The following CNBD1 variants were observed in gnomAD, a reference collection of about 807,000 sequenced individuals.
CNBD1 encodes cyclic nucleotide-binding domain-containing protein 1.
In CNBD1, 71 loss-of-function variants were observed where a neutral mutation model predicts 54.4. The observed-to-expected ratio is 1.30, with a 90% CI of 1.08 to 1.59. CNBD1 has a LOEUF of 1.59. CNBD1 is among the 40% of genes most tolerant of loss of function. The pLI, the probability that CNBD1 is intolerant of heterozygous loss-of-function variation, is 0.00. For synonymous variants in CNBD1, 182 were observed against 170.7 expected (o/e 1.07, Z -0.51); for missense variants, 659 against 518.0 (o/e 1.27, Z -2.64).
At chr8:87,220,998 G>C (rs1179223305) in intron 5 of CNBD1, among the ~76,000 whole-genome samples, 1 of 152,064 alleles carries the variant, frequency 6.6e-6, no homozygotes, top group African/African-American at 2.4e-5. Flanking sequence ...ATATTTGAGA[G>C]TCACTCCTGA....
chr8:86,921,343 GT>G lies in CNBD1; in HGVS notation c.272+16158del, dbSNP rs113989229. ...GTCTGTTGAATGAGATGCTCCTTGTGTTTTTTTTTAAGTCAGCCCTATAGTT... is the reference window on the plus strand; with the variant it reads ...GTCTGTTGAATGAGATGCTCCTTGTGTTTTTTTTAAGTCAGCCCTATAGTT... On this transcript the variant is annotated intron_variant, in intron 3 of 10. Coordinates refer to ENST00000518476, the MANE Select transcript of CNBD1 (RefSeq NM_173538.3). 1.3e-4 allele frequency among the ~76,000 whole-genome samples: 19 copies of G among 150,416 alleles called. No homozygotes were observed. In the East Asian group the frequency reaches 1.8e-3, roughly 14 times the overall value.
intron 3 of CNBD1, among the ~76,000 whole-genome samples, chr8:86,918,237 A>G (rs1454881705): frequency 6.6e-6 from 1 of 152,188 alleles, no homozygotes; most frequent in Non-Finnish European, 1.5e-5. Context: ...CTTAAAAAAA[A>G]ATTTGTAAAC....
chr8:87,264,666 T>C (rs1563529657), intron 6 of CNBD1, among the ~76,000 whole-genome samples: 1 of 152,124 alleles, frequency 6.6e-6, no homozygotes, highest in Non-Finnish European at 1.5e-5. Context: ...ACCTGTTGTT[T>C]CCTGACTTTT....
In CNBD1 at chr8:87,411,089, G is replaced by A. The variant is rs185829494; in HGVS notation, c.214-17457G>A. Among the ~76,000 whole-genome samples, 1,216 of 151,856 alleles carry A rather than the reference G, an allele frequency of 8.0e-3. 12 individuals are homozygous for A. Among genetic ancestry groups the A allele is most frequent in the Non-Finnish European group, 0.011 (724 of 67,944 alleles). ...GTGACTCGCTTTATTATGATACTTG[G>A]GGGTCTGGAACAAAACCAGCAATAA... On this transcript the variant is annotated intron_variant, in intron 2 of 7. Coordinates refer to the CNBD1 transcript ENST00000521593.
chr8:86,943,365 C>CAAAAAAAAAAAAA (rs1158061860), intron 4 of CNBD1, among the ~76,000 whole-genome samples: 3 of 32,578 alleles, frequency 9.2e-5, no homozygotes, highest in African/African-American at 1.1e-4. Flanking sequence ...GACTCCATCT[C>CAAAAAAAAAAAAA]AAAAAAAAAA....
At position 86,866,612 on chromosome 8, in the gene CNBD1, T is replaced by C; in HGVS notation, c.88+29T>C. On this transcript the variant is annotated intron_variant, in intron 1 of 10. Coordinates refer to ENST00000518476, the MANE Select transcript of CNBD1 (RefSeq NM_173538.3). ...AGTGGGAAATACTTTGATGCTCTTA[T>C]TCACCTACCATTGTTTTCAGCGGTT... 2.0e-6 allele frequency: 3 copies of C among 1,522,496 alleles called. No homozygotes were observed. In the South Asian group the frequency reaches 3.5e-5, roughly 18 times the overall value. 94.3% of individuals were successfully genotyped at this position (1,522,496 alleles called of 1,614,324 possible). A position where few individuals can be genotyped will look rare whatever the true frequency, so the allele number is the denominator to read the frequency against.
chr8:87,132,427 GAC>G (rs1244259959), intron 4 of CNBD1, among the ~76,000 whole-genome samples: 1 of 151,026 alleles, frequency 6.6e-6, no homozygotes, highest in Non-Finnish European at 1.5e-5. Flanking sequence ...AAATTTATAA[GAC>G]AGAGAAAAGA....
At chr8:87,064,974 C>G (rs1456102624) in intron 4 of CNBD1, among the ~76,000 whole-genome samples, 2 of 151,914 alleles carry the variant, frequency 1.3e-5, no homozygotes, top group African/African-American at 2.4e-5. Flanking sequence ...GATGTTTCAT[C>G]AATTGTCTCT....
At chr8:87,020,407 A>G (rs1380048311) in intron 4 of CNBD1, among the ~76,000 whole-genome samples, 1 of 152,108 alleles carries the variant, frequency 6.6e-6, no homozygotes, top group Non-Finnish European at 1.5e-5. Context: ...GACCAAATCA[A>G]ACACCCCTAG....
rs1311086912 is a variant in CNBD1, at chr8:87,236,918, G to A, written c.578-1G>A. ...ATATTTTTTGGCTTTGTTTTTTTCA[G>A]TGGTTGCAAATGATGGATTTTATGT... On this transcript the variant is annotated splice_acceptor_variant, in intron 5 of 10. Coordinates refer to ENST00000518476, the MANE Select transcript of CNBD1 (RefSeq NM_173538.3). LOFTEE classifies it high-confidence loss of function. 5.7e-6 allele frequency: 9 copies of A among 1,582,330 alleles called. No homozygotes were observed. The highest frequency in any genetic ancestry group is 7.7e-6 in the Non-Finnish European group (9 of 1,163,354).
At chr8:87,186,282 CT>C (rs1281179966) in intron 4 of CNBD1, among the ~76,000 whole-genome samples, 1 of 152,070 alleles carries the variant, frequency 6.6e-6, no homozygotes, top group East Asian at 1.9e-4. Flanking sequence ...AGTTTTTCTT[CT>C]GCAGCCTTCC....
chr8:87,005,244 C>T (rs1211375761), intron 4 of CNBD1, among the ~76,000 whole-genome samples: 1 of 151,852 alleles, frequency 6.6e-6, no homozygotes, highest in Admixed American at 6.6e-5. Flanking sequence ...GTGGCGGGCG[C>T]CTGTAGTCCC....
chr8:87,281,996 A>T (rs1808609812), intron 6 of CNBD1, among the ~76,000 whole-genome samples: 1 of 129,694 alleles, frequency 7.7e-6, no homozygotes, highest in Admixed American at 7.3e-5. Context: ...TTTTTCAATA[A>T]CTGTTTTGGT....
intron 4 of CNBD1, among the ~76,000 whole-genome samples, chr8:87,020,173 C>CA: frequency 1.3e-5 from 2 of 152,008 alleles, no homozygotes; most frequent in Middle Eastern, 6.8e-3. Flanking sequence ...GAAGAAAAGG[C>CA]ACGATTAAAG....
At chr8:87,104,004 A>G (rs1283613981) in intron 4 of CNBD1, among the ~76,000 whole-genome samples, 2 of 152,172 alleles carry the variant, frequency 1.3e-5, no homozygotes, top group Admixed American at 6.5e-5. Context: ...CAGATTGATG[A>G]GACATACTAT....
chr8:87,183,403 T>G (rs1435716629), intron 4 of CNBD1, among the ~76,000 whole-genome samples: 2 of 99,198 alleles, frequency 2.0e-5, no homozygotes, highest in Non-Finnish European at 4.4e-5. Context: ...TTTTTTTTTT[T>G]GCTAATGATG....
chr8:87,002,151 G>A (rs143415374), intron 4 of CNBD1, among the ~76,000 whole-genome samples: 1 of 151,978 alleles, frequency 6.6e-6, no homozygotes, highest in Admixed American at 6.6e-5. Context: ...AATCTAATAG[G>A]AATCCCAGCT....
chr8:87,032,077 G>A (rs1180750960), intron 4 of CNBD1, among the ~76,000 whole-genome samples: 1 of 152,100 alleles, frequency 6.6e-6, no homozygotes, highest in African/African-American at 2.4e-5. Flanking sequence ...ACAAAATTTT[G>A]TTTCAACTTT....
At chr8:87,384,597 G>C (rs1300780208), downstream of CNBD1, among the ~76,000 whole-genome samples, 1 of 152,120 alleles carries the variant, frequency 6.6e-6, no homozygotes, top group African/African-American at 2.4e-5. Flanking sequence ...CTTTAACTCT[G>C]AAAGACTAAC....
Sources: allele counts gnomAD v4.1 joint callset (sites outside exome capture counted in the v4.1 genomes callset), GRCh38; gene constraint gnomAD v4.1.1; transcripts MANE v1.5; gene names NCBI Gene and HGNC (gene_info 2026-07-23, HGNC 2026-07-21).